ZNF106: variants seen among roughly 807,000 people sequenced by gnomAD.
The protein encoded by ZNF106 is SH3-domain binding protein 3.
Under a neutral mutation model 195.1 loss-of-function variants are expected in ZNF106, and 67 were observed. The ratio of observed to expected loss-of-function variants is 0.34; its 90% confidence interval spans 0.28 to 0.42. ZNF106 has a LOEUF of 0.42. Among genes scored for constraint, ZNF106 ranks in the 10% least tolerant of loss-of-function variants. ZNF106 has a pLI of 1.00. For synonymous variants in ZNF106, 784 were observed against 818.6 expected (o/e 0.96, Z 0.72); for missense variants, 2,118 against 2,304.5 (o/e 0.92, Z 1.66).
chr15:42,439,270 A>T lies in ZNF106; in HGVS notation c.4307T>A (p.Val1436Asp). The T allele has an allele frequency of 6.2e-7, 1 of 1,614,120 alleles. No individual in the cohort carries two copies. The highest frequency in any genetic ancestry group is 2.2e-5 in the East Asian group (1 of 44,888). ...CGAGTCACTATCTGGCTCATCTCTG[A>T]CACTCTCCTGCTCCCGACCAGTCCT... ...DSRTGREQES[V>D]RDEPDSDSSL... The change falls in exon 11 of 22, where the codon GTC (valine) becomes GAC (aspartate). Residue 1436 changes from valine (V) to aspartate (D), a missense_variant. Val to Asp is a radical substitution (Grantham distance 152). Transcript: ENST00000564754.
At chr15:42,452,421 G>A (rs1376521363) in intron 4 of ZNF106, among the ~76,000 whole-genome samples, 1 of 152,036 alleles carries the variant, frequency 6.6e-6, no homozygotes, top group African/African-American at 2.4e-5. Flanking sequence ...TACTCGGGAG[G>A]CTGAGGAATG....
chr15:42,484,081 A>G (rs558258735), intron 1 of ZNF106, among the ~76,000 whole-genome samples: 9 of 152,274 alleles, frequency 5.9e-5, no homozygotes, highest in African/African-American at 1.9e-4. Context: ...CATTGTGGAA[A>G]TTTTCATTCA....
chr15:42,418,562 A>G (rs1358360392), intron 20 of ZNF106, among the ~76,000 whole-genome samples: 2 of 87,458 alleles, frequency 2.3e-5, no homozygotes, highest in East Asian at 2.5e-4. Context: ...TTTTTTTAGT[A>G]AAGACAGGGT....
chr15:42,442,482 T>C, intron 9 of ZNF106, 68 bp from the exon 10 acceptor site: 1 of 1,338,344 alleles, frequency 7.5e-7, no homozygotes, highest in Non-Finnish European at 1.0e-6. Context: ...GTGTCTGAGC[T>C]AATTTGTATT....
intron 10 of ZNF106, among the ~76,000 whole-genome samples, chr15:42,440,997 AAATATATATAT>A (rs1170856927): frequency 3.9e-5 from 2 of 51,658 alleles, no homozygotes; most frequent in African/African-American, 1.2e-4. Flanking sequence ...AAAAAAAAAA[AAATATATATAT>A]ATATATATAT....
chr15:42,424,135 G>T, intron 16 of ZNF106, 75 bp from the exon 17 acceptor site: 1 of 1,280,710 alleles, frequency 7.8e-7, no homozygotes. Flanking sequence ...ATACACATTG[G>T]CAAATTCTAA....
rs1162826768 is a variant in ZNF106, at chr15:42,414,648, C to T, written c.*2656G>A. On this transcript the variant is annotated 3_prime_UTR_variant, in exon 22 of 22. Coordinates refer to ENST00000564754, the MANE Select transcript of ZNF106 (RefSeq NM_001366845.3). ...AAGTTCCCACAACTGCCCAACACCTCACCTACCCGTTTCCTGCTGCACAAA... is the reference window on the plus strand; with the variant it reads ...AAGTTCCCACAACTGCCCAACACCTTACCTACCCGTTTCCTGCTGCACAAA... 1.3e-5 allele frequency: 2 copies of T among 152,292 alleles called. No homozygotes were observed. The highest frequency in any genetic ancestry group is 1.3e-4 in the Admixed American group (2 of 15,288). The allele number at this position is 152,292 out of a possible 1,614,324, so 9.4% of individuals were successfully genotyped here. A position where few individuals can be genotyped will look rare whatever the true frequency, so the allele number is the denominator to read the frequency against.
At chr15:42,480,877 T>C (rs1195370404) in intron 1 of ZNF106, among the ~76,000 whole-genome samples, 6 of 152,020 alleles carry the variant, frequency 3.9e-5, no homozygotes, top group Admixed American at 3.9e-4. Flanking sequence ...CCCAGCTACT[T>C]GGGAGGCTAA....
chr15:42,477,660 A>T (rs2056812327), intron 1 of ZNF106, among the ~76,000 whole-genome samples: 1 of 152,210 alleles, frequency 6.6e-6, no homozygotes, highest in African/African-American at 2.4e-5. Flanking sequence ...AGGCTGAGGC[A>T]GGTGGATCAC....
chr15:42,462,277 T>A (rs913958533), intron 3 of ZNF106, among the ~76,000 whole-genome samples: 1 of 152,102 alleles, frequency 6.6e-6, no homozygotes, highest in Non-Finnish European at 1.5e-5. Flanking sequence ...TAAGTTAACA[T>A]CACAAAACAA....
intron 1 of ZNF106, among the ~76,000 whole-genome samples, chr15:42,474,906 T>C (rs1256232742): frequency 6.6e-6 from 1 of 152,238 alleles, no homozygotes; most frequent in Non-Finnish European, 1.5e-5. Flanking sequence ...AGCAGCATTG[T>C]TCCTTCTTCT....
chr15:42,442,220 T>C lies in ZNF106; in HGVS notation c.3616A>G (p.Thr1206Ala), dbSNP rs754132494. Reference protein sequence around the residue: ...GASLQITTSPTFQTHGSVPAP... With the variant: ...GASLQITTSPAFQTHGSVPAP... ...GGGACACTGCCATGGGTTTGGAAAG[T>C]AGGAGACGTGGTTATTTGAAGAGAG... is the stretch of plus-strand genomic sequence containing the variant. The change falls in exon 10 of 22, where the codon ACT becomes GCT. Residue 1206 changes from threonine to alanine, a missense_variant. Thr to Ala is a moderately conservative substitution (Grantham distance 58). Coordinates refer to ENST00000564754, the MANE Select transcript of ZNF106 (RefSeq NM_001366845.3). The C allele has an allele frequency of 6.2e-7, 1 of 1,614,074 alleles. No homozygotes were observed. The highest frequency in any genetic ancestry group is 8.5e-7 in the Non-Finnish European group (1 of 1,179,994).
intron 5 of ZNF106, 31 bp downstream of exon 5, chr15:42,449,740 G>GA (rs200445678): frequency 0.039 from 60,545 of 1,568,888 alleles, 1,411 homozygotes; most frequent in Non-Finnish European, 0.042. Flanking sequence ...AGAAAGTGAG[G>GA]AAAAAAAAGA....
intron 2 of ZNF106, among the ~76,000 whole-genome samples, chr15:42,467,812 A>AAAAC (rs1156429989): frequency 4.6e-5 from 7 of 152,256 alleles, no homozygotes; most frequent in African/African-American, 9.6e-5. Flanking sequence ...TCTGTCTCAA[A>AAAAC]AAACAAACAA....
chr15:42,417,612 G>C (rs576086357), intron 21 of ZNF106, among the ~76,000 whole-genome samples, 193 bp downstream of exon 21: 9 of 152,104 alleles, frequency 5.9e-5, no homozygotes, highest in Middle Eastern at 3.4e-3. Context: ...TTCTCTTTAG[G>C]CCCTTTCTCA....
At position 42,450,151 on chromosome 15, in the gene ZNF106, T is replaced by C. The variant is rs757349684; in HGVS notation, c.2121A>G (p.Lys707=). ...LEDAQVDDSI[K]SHVSYETEGF... is the part of the protein sequence containing the mutation. ...CTTCTGTTTCATAAGATACATGAGA[T>C]TTAATAGAGTCATCAACCTGTGCAT... is the stretch of plus-strand genomic sequence containing the variant. Residue 707 remains lysine, a synonymous_variant, in exon 5 of 22, where the codon AAA becomes AAG. Transcript: ENST00000564754. 5.0e-6 allele frequency: 8 copies of C among 1,614,148 alleles called. 1 individual carries two copies. The highest frequency in any genetic ancestry group is 4.2e-6 in the Non-Finnish European group (5 of 1,180,024).
chr15:42,453,718 C>A (rs2056126051), intron 4 of ZNF106, among the ~76,000 whole-genome samples: 1 of 152,060 alleles, frequency 6.6e-6, no homozygotes, highest in African/African-American at 2.4e-5. Context: ...GCCTCAGCCT[C>A]CTGAGTAGCT....
At chr15:42,463,162 T>C (rs571337820) in intron 3 of ZNF106, among the ~76,000 whole-genome samples, 1 of 152,250 alleles carries the variant, frequency 6.6e-6, no homozygotes, top group Admixed American at 6.6e-5. Flanking sequence ...GCATTAATCT[T>C]TGAATGCAAT....
intron 1 of ZNF106, among the ~76,000 whole-genome samples, chr15:42,490,038 TA>T (rs1039455659): frequency 2.0e-5 from 3 of 147,850 alleles, no homozygotes; most frequent in Non-Finnish European, 3.0e-5. Flanking sequence ...AACTCCGTCC[TA>T]AAAAAAATAA....
Sources: allele counts gnomAD v4.1 joint callset (sites outside exome capture counted in the v4.1 genomes callset), GRCh38; gene constraint gnomAD v4.1.1; transcripts MANE v1.5; gene names NCBI Gene and HGNC (gene_info 2026-07-23, HGNC 2026-07-21).